Variants in LRRC69 observed in about 807,000 individuals in gnomAD.
The protein encoded by LRRC69 is leucine-rich repeat-containing protein 69.
LRRC69 carries 42 observed loss-of-function variants against 37.8 expected under a neutral mutation model. That is an observed-to-expected ratio of 1.11 (90% CI 0.87 to 1.44). The LOEUF (loss-of-function observed/expected upper bound fraction) is 1.44, where lower values mean the gene tolerates loss of function less well. Among genes scored for constraint, LRRC69 ranks in the 40% most tolerant of loss-of-function variants. The pLI, the probability that LRRC69 is intolerant of heterozygous loss-of-function variation, is 0.00. For synonymous variants in LRRC69, 141 were observed against 143.1 expected, an observed-to-expected ratio of 0.99 and a Z score of 0.11; for missense variants, 357 against 401.9, an observed-to-expected ratio of 0.89 and a Z score of 0.96.
intron 7 of LRRC69, among the ~76,000 whole-genome samples, chr8:91,218,356 A>AGAAGTGAGG (rs1810094109): frequency 1.2e-4 from 2 of 16,782 alleles, no homozygotes; most frequent in African/African-American, 2.2e-3. Context: ...TTTTGTACAA[A>AGAAGTGAGG]TTATTTTGAA....
intron 5 of LRRC69, among the ~76,000 whole-genome samples, chr8:91,180,213 G>A (rs1809300864): frequency 6.6e-6 from 1 of 152,088 alleles, no homozygotes. Context: ...TCTAGCTCAG[G>A]GTCTCTCATG....
At chr8:91,205,957 T>C (rs1484284917) in intron 7 of LRRC69, among the ~76,000 whole-genome samples, 1 of 152,182 alleles carries the variant, frequency 6.6e-6, no homozygotes, top group African/African-American at 2.4e-5. Context: ...GGTGTTTATA[T>C]CAGAAAGCTT....
chr8:91,155,570 T>A (rs1404471457), intron 5 of LRRC69, among the ~76,000 whole-genome samples: 1 of 150,834 alleles, frequency 6.6e-6, no homozygotes, highest in Non-Finnish European at 1.5e-5. Context: ...TATAGAATAC[T>A]AGAACACTAG....
intron 5 of LRRC69, among the ~76,000 whole-genome samples, chr8:91,137,875 A>G (rs1423203579): frequency 1.3e-5 from 2 of 152,086 alleles, no homozygotes; most frequent in East Asian, 3.9e-4. Flanking sequence ...AAAGAGAGTA[A>G]GTTTCAAAAT....
intron 6 of LRRC69, among the ~76,000 whole-genome samples, chr8:91,190,213 G>A (rs2130610870): frequency 6.6e-6 from 1 of 151,584 alleles, no homozygotes; most frequent in East Asian, 1.9e-4. Flanking sequence ...GGATTTGTAT[G>A]GGATCAACTT....
chr8:91,115,735 A>G (rs1813500038), intron 1 of LRRC69, among the ~76,000 whole-genome samples: 1 of 151,768 alleles, frequency 6.6e-6, no homozygotes. Flanking sequence ...AAATTCAGTC[A>G]AGTAGGAGAG....
At chr8:91,104,139 A>G (rs181452494) in intron 1 of LRRC69, among the ~76,000 whole-genome samples, 351 of 152,090 alleles carry the variant, frequency 2.3e-3, no homozygotes, top group African/African-American at 8.2e-3. Context: ...ATCTGGAATC[A>G]GGGGATTAGG....
At chr8:91,169,909 A>T (rs573906910) in intron 5 of LRRC69, among the ~76,000 whole-genome samples, 14 of 118,064 alleles carry the variant, frequency 1.2e-4, no homozygotes, top group Admixed American at 5.0e-4. Context: ...ACATTTTCTT[A>T]ATCCAGTCTA....
rs1045230365 is a variant in LRRC69, at chr8:91,163,868, T to A, written c.652-25654T>A. 1.1e-4 allele frequency among the ~76,000 whole-genome samples: 16 copies of A among 151,524 alleles called. 2 individuals are homozygous for A. Among genetic ancestry groups the A allele is most frequent in the East Asian group, 5.8e-4 (3 of 5,138 alleles). ...AATTTTATTGGCCACACTTTTCATA[T>A]CTTCTATTATAAATTACAAAGTTCT... On this transcript the variant is annotated intron_variant, in intron 5 of 7. Transcript: ENST00000448384.
chr8:91,197,501 T>G (rs1244315298), intron 6 of LRRC69, among the ~76,000 whole-genome samples: 1 of 151,944 alleles, frequency 6.6e-6, no homozygotes, highest in Non-Finnish European at 1.5e-5. Context: ...CGAGACTCCG[T>G]GGGCGTAGGA....
At chr8:91,134,258 G>A (rs1044280356) in intron 4 of LRRC69, among the ~76,000 whole-genome samples, 1 of 151,454 alleles carries the variant, frequency 6.6e-6, no homozygotes, top group African/African-American at 2.4e-5. Context: ...AGACCCTGGA[G>A]TGCTGGTAAT....
intron 6 of LRRC69, among the ~76,000 whole-genome samples, chr8:91,192,177 A>G (rs1355253610): frequency 6.6e-6 from 1 of 151,904 alleles, no homozygotes; most frequent in Non-Finnish European, 1.5e-5. Context: ...ACATGAACTC[A>G]TCCTTTTTTA....
At chr8:91,140,646 T>TGGGTG (rs1352691588) in intron 5 of LRRC69, among the ~76,000 whole-genome samples, 11 of 13,210 alleles carry the variant, frequency 8.3e-4, no homozygotes, top group East Asian at 1.3e-3. Flanking sequence ...GTGATTTTTT[T>TGGGTG]TTTTTTTTTT....
chr8:91,123,335 A>G (rs978330962), intron 1 of LRRC69, among the ~76,000 whole-genome samples: 1 of 152,046 alleles, frequency 6.6e-6, no homozygotes, highest in Non-Finnish European at 1.5e-5. Flanking sequence ...TTAACTTCAC[A>G]TTTACAATAG....
At chr8:91,214,160 G>A (rs1809993659) in intron 7 of LRRC69, among the ~76,000 whole-genome samples, 1 of 152,088 alleles carries the variant, frequency 6.6e-6, no homozygotes, top group African/African-American at 2.4e-5. Flanking sequence ...TGGTGGAAAA[G>A]CAAGGAAAGT....
intron 7 of LRRC69, among the ~76,000 whole-genome samples, chr8:91,204,116 C>T (rs1255726562): frequency 7.4e-6 from 1 of 135,944 alleles, no homozygotes; most frequent in Non-Finnish European, 1.6e-5. Flanking sequence ...AGAAAGACTC[C>T]ATCTCAAAAA....
intron 5 of LRRC69, among the ~76,000 whole-genome samples, chr8:91,181,976 A>G (rs1685448262): frequency 6.6e-6 from 1 of 152,182 alleles, no homozygotes; most frequent in South Asian, 2.1e-4. Context: ...TTTACATAAA[A>G]TATGGAAAAA....
chr8:91,123,546 T>C (rs1394645058), intron 1 of LRRC69, among the ~76,000 whole-genome samples: 1 of 151,992 alleles, frequency 6.6e-6, no homozygotes, highest in African/African-American at 2.4e-5. Flanking sequence ...TAAGTGACAT[T>C]TAAATATAAA....
At chr8:91,186,179 T>C (rs973145101) in intron 5 of LRRC69, among the ~76,000 whole-genome samples, 1 of 152,204 alleles carries the variant, frequency 6.6e-6, no homozygotes, top group African/African-American at 2.4e-5. Context: ...AATCATTTAT[T>C]GAACATCAGC....
Sources: gnomAD v4.1 joint callset for allele counts (sites outside exome capture counted in the v4.1 genomes callset) on GRCh38, gnomAD v4.1.1 for gene constraint, MANE v1.5 for transcripts, NCBI Gene and HGNC (gene_info 2026-07-23, HGNC 2026-07-21) for gene names.